PLEKHG1: variants seen among roughly 807,000 people sequenced by gnomAD.
PLEKHG1 encodes the protein pleckstrin homology domain-containing family G member 1.
PLEKHG1 carries 44 observed loss-of-function variants against 100.8 expected under a neutral mutation model. That is an observed-to-expected ratio of 0.44 (90% CI 0.34 to 0.56). The LOEUF is 0.56. Ranked by LOEUF, PLEKHG1 falls within the 20% of genes least tolerant of loss-of-function variation. The pLI, the probability that PLEKHG1 is intolerant of heterozygous loss-of-function variation, is 0.01. For synonymous variants in PLEKHG1, 640 were observed against 662.5 expected (o/e 0.97, Z 0.52); for missense variants, 1,545 against 1,720.9 (o/e 0.90, Z 1.81).
intron 2 of PLEKHG1, among the ~76,000 whole-genome samples, chr6:150,741,658 G>T (rs908002553): frequency 1.1e-4 from 16 of 151,028 alleles, no homozygotes; most frequent in African/African-American, 4.0e-4. Flanking sequence ...AGAGGACAAA[G>T]TGACTTATCC....
intron 2 of PLEKHG1, among the ~76,000 whole-genome samples, chr6:150,741,913 C>CTAT (rs1782879054): frequency 6.6e-6 from 1 of 152,212 alleles, no homozygotes; most frequent in Non-Finnish European, 1.5e-5. Context: ...TGACTTCTAT[C>CTAT]CATTAGAAGC....
At chr6:150,713,927 G>A (rs866835542) in intron 3 of PLEKHG1, among the ~76,000 whole-genome samples, 10 of 152,314 alleles carry the variant, frequency 6.6e-5, no homozygotes, top group Middle Eastern at 6.8e-3. Context: ...AGTCTCAATG[G>A]CTGTTACTCT....
At chr6:150,649,331 C>G (rs1371419773) in intron 2 of PLEKHG1, among the ~76,000 whole-genome samples, 1 of 152,128 alleles carries the variant, frequency 6.6e-6, no homozygotes, top group Non-Finnish European at 1.5e-5. Flanking sequence ...TGGAATCCGG[C>G]ACTCTAGTTG....
intron 13 of PLEKHG1, among the ~76,000 whole-genome samples, chr6:150,822,481 A>G (rs1292597517): frequency 6.6e-6 from 1 of 152,170 alleles, no homozygotes; most frequent in Non-Finnish European, 1.5e-5. Context: ...TTTATGTGGG[A>G]GTTTGTTCTT....
At chr6:150,733,530 T>C in intron 1 of PLEKHG1, 54 bp from the exon 3 acceptor site, 1 of 1,445,902 alleles carries the variant, frequency 6.9e-7, no homozygotes, top group Non-Finnish European at 9.2e-7. Flanking sequence ...CTTTCAACCC[T>C]CTGCTTGATA....
intron 2 of PLEKHG1, among the ~76,000 whole-genome samples, chr6:150,754,111 C>T (rs1019031590): frequency 3.3e-5 from 5 of 152,134 alleles, no homozygotes; most frequent in Non-Finnish European, 7.3e-5. Flanking sequence ...AATACCTGAC[C>T]CAGACAGGGG....
chr6:150,670,369 A>G (rs1352138205), intron 3 of PLEKHG1, among the ~76,000 whole-genome samples: 3 of 152,258 alleles, frequency 2.0e-5, no homozygotes, highest in African/African-American at 7.2e-5. Flanking sequence ...TGTATAAGAT[A>G]AACGTTGCGT....
intron 2 of PLEKHG1, among the ~76,000 whole-genome samples, chr6:150,757,561 A>ATG (rs141610846): frequency 0.23 from 33,899 of 150,162 alleles, 4,939 homozygotes; most frequent in African/African-American, 0.4. Context: ...GCACACAAGT[A>ATG]TGTGTGTGTG....
chr6:150,776,028 C>T (rs1191449638), intron 3 of PLEKHG1, among the ~76,000 whole-genome samples: 2 of 151,932 alleles, frequency 1.3e-5, no homozygotes, highest in Non-Finnish European at 2.9e-5. Context: ...GCCGCATCCT[C>T]GAATCTCTCT....
chr6:150,611,600 T>C (rs1350386996), intron 1 of PLEKHG1, among the ~76,000 whole-genome samples: 1 of 152,066 alleles, frequency 6.6e-6, no homozygotes, highest in Non-Finnish European at 1.5e-5. Flanking sequence ...TCACCTGAGG[T>C]CAGGAGTTCA....
At chr6:150,721,581 CTT>C (rs1306121300) in intron 1 of PLEKHG1, among the ~76,000 whole-genome samples, 1 of 152,114 alleles carries the variant, frequency 6.6e-6, no homozygotes. Flanking sequence ...TTTTCATATG[CTT>C]TCTTTTTGAG....
intron 3 of PLEKHG1, among the ~76,000 whole-genome samples, chr6:150,688,050 C>G (rs1355145085): frequency 2.0e-5 from 3 of 152,172 alleles, no homozygotes; most frequent in Non-Finnish European, 2.9e-5. Context: ...TGTCATTTAA[C>G]CAGGTATCCA....
At position 150,683,854 on chromosome 6, in the gene PLEKHG1, T is replaced by C. The variant is rs1469401569; in HGVS notation, c.-99+33068T>C. On this transcript the variant is annotated intron_variant, in intron 3 of 3. Transcript: ENST00000367326. The surrounding 1 kb of genome is among the most constrained non-coding windows in gnomAD (Gnocchi z 4.0). Reference sequence around the variant, plus strand: ...CAAAGCATCACAGGCGAGTGAAATATGGGAATATTGAAGGGGCCTGGGATG... The same window carrying C: ...CAAAGCATCACAGGCGAGTGAAATACGGGAATATTGAAGGGGCCTGGGATG... The C allele has an allele frequency of 1.6e-6, 2 of 1,280,354 alleles. No individual in the cohort carries two copies. Among genetic ancestry groups the C allele is most frequent in the Non-Finnish European group, 2.0e-6 (2 of 982,754 alleles). The allele number at this position is 1,280,354 out of a possible 1,614,324, so 79.3% of individuals were successfully genotyped here. A position where few individuals can be genotyped will look rare whatever the true frequency, so the allele number is the denominator to read the frequency against.
chr6:150,611,887 T>C (rs1204861347), intron 1 of PLEKHG1, among the ~76,000 whole-genome samples: 1 of 151,782 alleles, frequency 6.6e-6, no homozygotes, highest in African/African-American at 2.4e-5. Flanking sequence ...GCTCAAATAG[T>C]GAGGCTCTAT....
chr6:150,639,718 A>G (rs1025275539), intron 2 of PLEKHG1, among the ~76,000 whole-genome samples: 4 of 152,056 alleles, frequency 2.6e-5, no homozygotes, highest in African/African-American at 9.7e-5. Flanking sequence ...AGAACTCCAT[A>G]TGATCATGTT....
At chr6:150,802,545 G>A (rs1015145779) in intron 6 of PLEKHG1, among the ~76,000 whole-genome samples, 2 of 151,938 alleles carry the variant, frequency 1.3e-5, no homozygotes, top group Non-Finnish European at 2.9e-5. Context: ...ACATTTTAAG[G>A]GCTGGCAATG....
At chr6:150,702,036 A>T (rs190561452) in intron 3 of PLEKHG1, among the ~76,000 whole-genome samples, 40 of 152,344 alleles carry the variant, frequency 2.6e-4, no homozygotes, top group Middle Eastern at 6.8e-3. Flanking sequence ...GGAAACTTGT[A>T]TCTCACTCCA....
At chr6:150,664,963 A>G (rs1179425058) in intron 3 of PLEKHG1, among the ~76,000 whole-genome samples, 1 of 152,186 alleles carries the variant, frequency 6.6e-6, no homozygotes, top group African/African-American at 2.4e-5. Flanking sequence ...AGATGACAAT[A>G]AGGCCAATAA....
chr6:150,795,134 A>AT (rs762543606), intron 4 of PLEKHG1, among the ~76,000 whole-genome samples: 4 of 152,196 alleles, frequency 2.6e-5, no homozygotes, highest in Non-Finnish European at 4.4e-5. Flanking sequence ...CATGCCTGTA[A>AT]TCCCAGCACT....
Sources: allele counts gnomAD v4.1 joint callset (sites outside exome capture counted in the v4.1 genomes callset), GRCh38; gene constraint gnomAD v4.1.1; non-coding constraint Gnocchi (gnomAD v3.1); transcripts MANE v1.5; gene names NCBI Gene and HGNC (gene_info 2026-07-23, HGNC 2026-07-21).